IQCK: variants seen among roughly 807,000 people sequenced by gnomAD.
IQCK encodes the protein IQ motif containing K.
In IQCK, 29 loss-of-function variants were observed where a neutral mutation model predicts 28.1. The ratio of observed to expected loss-of-function variants is 1.03; its 90% CI spans 0.77 to 1.41. IQCK has a LOEUF of 1.41. Among genes scored for constraint, IQCK ranks in the 40% most tolerant of loss-of-function variants. The probability of loss-of-function intolerance (pLI) is 0.00; values close to 1 mark genes in which losing one functional copy is unlikely to be tolerated. For missense variants in IQCK, 359 were observed against 314.7 expected, an observed-to-expected ratio of 1.14 and a Z score of -1.07; for synonymous variants, 113 against 115.1, an observed-to-expected ratio of 0.98 and a Z score of 0.12.
chr16:19,838,023 G>A (rs546998397), intron 9 of IQCK, among the ~76,000 whole-genome samples: 90 of 152,348 alleles, frequency 5.9e-4, no homozygotes, highest in African/African-American at 2.1e-3. Context: ...AAAATTGAAT[G>A]GTTGAATCAG....
intron 7 of IQCK, among the ~76,000 whole-genome samples, chr16:19,815,563 T>C (rs2141073262): frequency 6.6e-6 from 1 of 152,190 alleles, no homozygotes; most frequent in East Asian, 1.9e-4. Flanking sequence ...ACCAGCTAGA[T>C]GGGAGGCTGA....
intron 2 of IQCK, among the ~76,000 whole-genome samples, chr16:19,730,758 T>G (rs1000774094): frequency 2.6e-5 from 3 of 117,080 alleles, no homozygotes; most frequent in African/African-American, 2.0e-4. Context: ...TCTATCTATC[T>G]TATCTTATCT....
chr16:19,735,264 C>T, intron 3 of IQCK, 89 bp from the exon 4 acceptor site: 2 of 881,608 alleles, frequency 2.3e-6, no homozygotes, highest in Non-Finnish European at 3.8e-6. Context: ...ATGGACAGTA[C>T]CTTTTTCTGG....
chr16:19,772,249 A>G (rs979416972), intron 6 of IQCK, among the ~76,000 whole-genome samples: 11 of 152,208 alleles, frequency 7.2e-5, no homozygotes, highest in Non-Finnish European at 1.0e-4. Context: ...AAGAAATCCT[A>G]CATTAGGTGT....
At chr16:19,818,797 G>A (rs1006156818) in intron 7 of IQCK, among the ~76,000 whole-genome samples, 1 of 152,010 alleles carries the variant, frequency 6.6e-6, no homozygotes, top group African/African-American at 2.4e-5. Flanking sequence ...TCTTTATTTG[G>A]GAGTAAAAAA....
chr16:19,800,991 GTGTT>G lies in IQCK; in HGVS notation c.690+12073_690+12076del, dbSNP rs896582102. Reference sequence around the variant, plus strand: ...TTTTTCTGAGCCTTTTTAGGAGTGTGTGTTTGTGTGTGTGTGTAAATATGCAAAA... The same window carrying G: ...TTTTTCTGAGCCTTTTTAGGAGTGTGTGTGTGTGTGTGTAAATATGCAAAA... On this transcript the variant is annotated intron_variant, in intron 7 of 7. Coordinates refer to ENST00000564186, the Ensembl canonical transcript of IQCK. 9.5e-5 allele frequency among the ~76,000 whole-genome samples: 12 copies of G among 126,732 alleles called. 1 individual carries two copies. The highest frequency in any genetic ancestry group is 4.2e-4 in the East Asian group (2 of 4,760). The allele number at this position is 126,732 out of a possible 152,430, so 83.1% of individuals were successfully genotyped here.
intron 9 of IQCK, among the ~76,000 whole-genome samples, chr16:19,853,927 C>T (rs1010652756): frequency 1.3e-5 from 2 of 152,262 alleles, no homozygotes; most frequent in African/African-American, 4.8e-5. Flanking sequence ...TGTGCCCAGC[C>T]TGTCTGCCAA....
chr16:19,856,452 A>G (rs1471736674), intron 9 of IQCK, 35 bp from the exon 9 acceptor site: 1 of 1,591,994 alleles, frequency 6.3e-7, no homozygotes, highest in Admixed American at 1.7e-5. Flanking sequence ...TACGTATGTA[A>G]ATTGATCCTG....
At chr16:19,836,801 C>T (rs2056305108) in intron 9 of IQCK, among the ~76,000 whole-genome samples, 1 of 152,178 alleles carries the variant, frequency 6.6e-6, no homozygotes, top group Non-Finnish European at 1.5e-5. Context: ...CGTTAGCCAC[C>T]GTGCCTGGCT....
chr16:19,771,814 G>T (rs2055324654), intron 6 of IQCK, among the ~76,000 whole-genome samples: 1 of 152,190 alleles, frequency 6.6e-6, no homozygotes, highest in African/African-American at 2.4e-5. Flanking sequence ...GGTGGGTGCT[G>T]TCACTCACGT....
chr16:19,749,934 GA>G (rs2054963762), intron 4 of IQCK, among the ~76,000 whole-genome samples: 1 of 152,082 alleles, frequency 6.6e-6, no homozygotes, highest in Non-Finnish European at 1.5e-5. Context: ...CAGTGTAAGG[GA>G]AGCTTAATGA....
intron 7 of IQCK, among the ~76,000 whole-genome samples, chr16:19,818,137 C>G (rs892192270): frequency 5.3e-5 from 8 of 152,146 alleles, no homozygotes; most frequent in African/African-American, 1.7e-4. Context: ...TTGCTGAGAT[C>G]ACAGCTAAAG....
chr16:19,855,659 A>T (rs983232753), intron 9 of IQCK, among the ~76,000 whole-genome samples: 11 of 152,168 alleles, frequency 7.2e-5, no homozygotes, highest in Non-Finnish European at 1.5e-5. Context: ...GCATGCCCTT[A>T]GTTGCTGGGA....
intron 7 of IQCK, among the ~76,000 whole-genome samples, chr16:19,814,594 T>C (rs548311988): frequency 6.6e-6 from 1 of 152,172 alleles, no homozygotes; most frequent in South Asian, 2.1e-4. Flanking sequence ...TTTTCTCTGA[T>C]TTTCAGATTG....
chr16:19,749,701 G>A (rs1305346995), intron 4 of IQCK, among the ~76,000 whole-genome samples: 3 of 152,032 alleles, frequency 2.0e-5, no homozygotes. Context: ...GGGAGGTCGA[G>A]GCTGCAGTGA....
intron 4 of IQCK, among the ~76,000 whole-genome samples, chr16:19,745,852 G>A (rs563155025): frequency 9.9e-5 from 15 of 152,244 alleles, no homozygotes; most frequent in Non-Finnish European, 1.8e-4. Flanking sequence ...CCTGCTAGCT[G>A]GGGCACTTCG....
chr16:19,856,513 G>A, exon 10 of IQCK: 3 of 1,613,924 alleles, frequency 1.9e-6, no homozygotes, highest in Non-Finnish European at 2.5e-6. Flanking sequence ...GGACGATGCA[G>A]TACCTGCAGC....
At chr16:19,836,721 C>T (rs1597602076) in intron 9 of IQCK, among the ~76,000 whole-genome samples, 1 of 152,156 alleles carries the variant, frequency 6.6e-6, no homozygotes, top group South Asian at 2.1e-4. Flanking sequence ...ACCATGTTGG[C>T]CAGGATGCTC....
chr16:19,821,967 G>C (rs1206458306), intron 7 of IQCK, among the ~76,000 whole-genome samples: 2 of 148,012 alleles, frequency 1.4e-5, no homozygotes, highest in African/African-American at 2.5e-5. Context: ...AGTCCCAGCT[G>C]AGGTGAGAGG....
Sources: allele counts gnomAD v4.1 joint callset (sites outside exome capture counted in the v4.1 genomes callset), GRCh38; gene constraint gnomAD v4.1.1; transcripts MANE v1.5; gene names NCBI Gene and HGNC (gene_info 2026-07-23, HGNC 2026-07-21).